Variants in ST8SIA6 observed in about 807,000 individuals in gnomAD.
The protein encoded by ST8SIA6 is alpha-2,8-sialyltransferase 8F.
Under a neutral mutation model 33.6 loss-of-function variants are expected in ST8SIA6, and 39 were observed. The observed-to-expected ratio is 1.16, with a 90% CI of 0.90 to 1.52. The LOEUF (loss-of-function observed/expected upper bound fraction) is 1.52. ST8SIA6 is among the 40% of genes most tolerant of loss of function. The pLI is 0.00. For synonymous variants in ST8SIA6, 172 were observed against 167.2 expected (o/e 1.03, Z -0.22); for missense variants, 441 against 443.8 (o/e 0.99, Z 0.06).
rs1186735807 is a variant in ST8SIA6 at position 17,454,142 on chromosome 10, G to A, written c.101+13C>T. ...GCGCGGCGCGGGGCGCGGCCGGCGG[G>A]TGGGTGGGTTACCTGGCGCGGCCGG... On this transcript the variant is annotated intron_variant, in intron 1 of 7. Transcript: ENST00000377602. The surrounding 1 kb of genome is among the most constrained non-coding windows in gnomAD (Gnocchi z 4.1). 8 of 272,186 alleles carry A rather than the reference G, an allele frequency of 2.9e-5. No individual in the cohort carries two copies. Among genetic ancestry groups the A allele is most frequent in the East Asian group, 2.8e-4 (4 of 14,230 alleles). 16.9% of individuals were successfully genotyped at this position (272,186 alleles called of 1,614,324 possible). A position where few individuals can be genotyped will look rare whatever the true frequency, so the allele number is the denominator to read the frequency against.
At chr10:17,387,411 C>G (rs893214603) in intron 3 of ST8SIA6, among the ~76,000 whole-genome samples, 1 of 143,480 alleles carries the variant, frequency 7.0e-6, no homozygotes, top group Non-Finnish European at 1.5e-5. Context: ...GCCACCACAC[C>G]CAGCTCATTT....
chr10:17,374,209 TA>T (rs34878315), intron 3 of ST8SIA6, among the ~76,000 whole-genome samples: 23 of 147,426 alleles, frequency 1.6e-4, no homozygotes, highest in South Asian at 6.4e-4. Context: ...CTGAGGGAGT[TA>T]AAAAAAAAAG....
At chr10:17,450,423 A>G (rs1852864263) in intron 2 of ST8SIA6, among the ~76,000 whole-genome samples, 1 of 152,078 alleles carries the variant, frequency 6.6e-6, no homozygotes, top group Admixed American at 6.6e-5. Flanking sequence ...CCCCTCCCTA[A>G]TATACCTGAA....
chr10:17,323,022 GA>G, intron 7 of ST8SIA6, 42 bp downstream of exon 7: 1 of 1,534,554 alleles, frequency 6.5e-7, no homozygotes, highest in Non-Finnish European at 9.0e-7. Context: ...GTTGAACAAT[GA>G]AAAAGTGTTC....
intron 2 of ST8SIA6, among the ~76,000 whole-genome samples, chr10:17,398,649 C>G (rs1350404013): frequency 6.6e-6 from 1 of 152,106 alleles, no homozygotes; most frequent in Non-Finnish European, 1.5e-5. Flanking sequence ...AGCTTAAAAC[C>G]AAATCAATGT....
At chr10:17,398,555 C>T (rs1850914274) in intron 2 of ST8SIA6, among the ~76,000 whole-genome samples, 2 of 152,094 alleles carry the variant, frequency 1.3e-5, no homozygotes, top group South Asian at 2.1e-4. Context: ...TGCAAATGGG[C>T]AACAAAGGAG....
intron 3 of ST8SIA6, chr10:17,387,172 C>T (rs1218263949): frequency 6.6e-6 from 1 of 152,102 alleles, no homozygotes; most frequent in Non-Finnish European, 1.5e-5. Context: ...TGAGTGGGCC[C>T]AGTGGAAGAC....
At chr10:17,349,758 T>A in intron 4 of ST8SIA6, among the ~76,000 whole-genome samples, 1 of 152,198 alleles carries the variant, frequency 6.6e-6, no homozygotes, top group African/African-American at 2.4e-5. Context: ...ACAAGACACA[T>A]GGAGTCAACT....
chr10:17,332,994 T>C (rs1848349655), intron 4 of ST8SIA6, among the ~76,000 whole-genome samples: 1 of 152,158 alleles, frequency 6.6e-6, no homozygotes, highest in Non-Finnish European at 1.5e-5. Context: ...AAAATCCCAT[T>C]CTGTAGGTTG....
At chr10:17,323,853 A>G (rs1401393989) in intron 6 of ST8SIA6, among the ~76,000 whole-genome samples, 1 of 152,150 alleles carries the variant, frequency 6.6e-6, no homozygotes, top group African/African-American at 2.4e-5. Context: ...TGGTATGATC[A>G]CCAATTGGCA....
intron 2 of ST8SIA6, chr10:17,409,873 CACAA>C (rs1244592299): frequency 1.3e-5 from 2 of 152,474 alleles, no homozygotes; most frequent in Admixed American, 6.6e-5. Flanking sequence ...GAAACTCCAT[CACAA>C]ACAAACAAAC....
intron 2 of ST8SIA6, among the ~76,000 whole-genome samples, chr10:17,393,815 T>C (rs1341892503): frequency 1.3e-5 from 2 of 152,224 alleles, no homozygotes; most frequent in Non-Finnish European, 2.9e-5. Flanking sequence ...AAATCCTTTC[T>C]AAAAACTGCC....
chr10:17,347,434 G>T (rs1430143823), intron 4 of ST8SIA6, among the ~76,000 whole-genome samples: 1 of 152,124 alleles, frequency 6.6e-6, no homozygotes, highest in African/African-American at 2.4e-5. Flanking sequence ...GTAAACGAGA[G>T]GGGAGAGGGC....
At chr10:17,324,922 ATAAT>A in intron 6 of ST8SIA6, among the ~76,000 whole-genome samples, 1 of 146,342 alleles carries the variant, frequency 6.8e-6, no homozygotes, top group African/African-American at 2.5e-5. Context: ...TATGTAATAT[ATAAT>A]ATGCATACAT....
intron 2 of ST8SIA6, among the ~76,000 whole-genome samples, chr10:17,421,983 T>C (rs1345060183): frequency 1.3e-5 from 2 of 152,094 alleles, no homozygotes; most frequent in African/African-American, 4.8e-5. Flanking sequence ...ATACAGCCCT[T>C]TTCAGAATTT....
chr10:17,360,948 G>C (rs1373058225), intron 3 of ST8SIA6, among the ~76,000 whole-genome samples: 1 of 151,472 alleles, frequency 6.6e-6, no homozygotes, highest in African/African-American at 2.4e-5. Context: ...GGAAGAAGAA[G>C]AAGAAGGAGG....
At chr10:17,391,505 G>A (rs1023800964) in intron 2 of ST8SIA6, among the ~76,000 whole-genome samples, 5 of 149,416 alleles carry the variant, frequency 3.3e-5, no homozygotes, top group African/African-American at 9.9e-5. Flanking sequence ...CTCGTGATCC[G>A]CCTGCCTGGG....
At chr10:17,367,444 A>G (rs1035225078) in intron 3 of ST8SIA6, among the ~76,000 whole-genome samples, 3 of 151,992 alleles carry the variant, frequency 2.0e-5, no homozygotes, top group African/African-American at 7.3e-5. Flanking sequence ...CCCACAACAC[A>G]TGGAGATTAT....
intron 6 of ST8SIA6, among the ~76,000 whole-genome samples, chr10:17,324,929 G>A (rs1473586291): frequency 2.8e-5 from 4 of 142,674 alleles, no homozygotes; most frequent in Non-Finnish European, 6.0e-5. Flanking sequence ...TATATAATAT[G>A]CATACATATT....
Sources: allele counts gnomAD v4.1 joint callset (sites outside exome capture counted in the v4.1 genomes callset), GRCh38; gene constraint gnomAD v4.1.1; non-coding constraint Gnocchi (gnomAD v3.1); transcripts MANE v1.5; gene names NCBI Gene and HGNC (gene_info 2026-07-23, HGNC 2026-07-21).